The following SORCS2 variants were observed in gnomAD, a reference collection of about 807,000 sequenced individuals.
SORCS2 encodes the protein sortilin related VPS10 domain containing receptor 2, also known as VPS10 domain-containing receptor SorCS2.
In SORCS2, 100 loss-of-function variants were observed where a neutral mutation model predicts 141.6. The observed-to-expected ratio is 0.71, with a 90% confidence interval of 0.60 to 0.83. The LOEUF (loss-of-function observed/expected upper bound fraction) is 0.83, where lower values mean the gene tolerates loss of function less well. Ranked by LOEUF, SORCS2 falls within the 40% of genes least tolerant of loss-of-function variation. The pLI is 0.00. For missense variants in SORCS2, 1,646 were observed against 1,560.2 expected (o/e 1.05, Z -0.93); for synonymous variants, 789 against 676.9 (o/e 1.17, Z -2.57).
chr4:7,576,566 T>C (rs1011499884), intron 3 of SORCS2, among the ~76,000 whole-genome samples: 5 of 152,090 alleles, frequency 3.3e-5, no homozygotes, highest in African/African-American at 1.2e-4. Flanking sequence ...GAGGAATGAA[T>C]AGGAGTTGGC....
intron 1 of SORCS2, among the ~76,000 whole-genome samples, chr4:7,334,097 G>A (rs1297363666): frequency 5.9e-5 from 9 of 152,084 alleles, no homozygotes; most frequent in African/African-American, 1.9e-4. Flanking sequence ...TTAGTCCCCC[G>A]GCCCCTCACC....
intron 1 of SORCS2, among the ~76,000 whole-genome samples, chr4:7,318,871 C>T (rs548544604): frequency 7.2e-5 from 11 of 152,292 alleles, no homozygotes; most frequent in East Asian, 3.9e-4. Context: ...GAATCCCTTG[C>T]GTGCCTTAGT....
chr4:7,413,259 G>T (rs1725442655), intron 2 of SORCS2, among the ~76,000 whole-genome samples: 1 of 151,930 alleles, frequency 6.6e-6, no homozygotes, highest in African/African-American at 2.4e-5. Flanking sequence ...CATGAGATTC[G>T]AACTATTCAT....
At chr4:7,456,573 G>A (rs1360356585) in intron 2 of SORCS2, among the ~76,000 whole-genome samples, 1 of 152,160 alleles carries the variant, frequency 6.6e-6, no homozygotes, top group Non-Finnish European at 1.5e-5. Context: ...TTGGAGCTTG[G>A]GGGATGCTTG....
At chr4:7,628,443 C>G (rs927920122) in intron 3 of SORCS2, among the ~76,000 whole-genome samples, 8 of 149,486 alleles carry the variant, frequency 5.4e-5, no homozygotes, top group African/African-American at 2.0e-4. Flanking sequence ...GGCATGAACC[C>G]GGGAGATGGA....
At chr4:7,655,981 C>G (rs924629402) in intron 5 of SORCS2, among the ~76,000 whole-genome samples, 1 of 152,222 alleles carries the variant, frequency 6.6e-6, no homozygotes, top group African/African-American at 2.4e-5. Flanking sequence ...TGCTGTTACT[C>G]GAGGGAATCA....
At chr4:7,658,494 A>T (rs1033026221) in intron 5 of SORCS2, among the ~76,000 whole-genome samples, 1 of 152,214 alleles carries the variant, frequency 6.6e-6, no homozygotes, top group African/African-American at 2.4e-5. Context: ...GTCAGGCCTG[A>T]GACCTCCTTT....
At chr4:7,432,619 T>G (rs1453818648) in intron 2 of SORCS2, 2 of 151,978 alleles carry the variant, frequency 1.3e-5, no homozygotes, top group African/African-American at 4.8e-5. Context: ...TTCCTTCTGC[T>G]CATTACCAGG....
chr4:7,428,936 G>C (rs1726640288), intron 2 of SORCS2, among the ~76,000 whole-genome samples: 1 of 152,144 alleles, frequency 6.6e-6, no homozygotes, highest in African/African-American at 2.4e-5. Context: ...GTCTGAGTGA[G>C]CCGAGTGGCT....
At position 7,533,266 on chromosome 4, in the gene SORCS2, A is replaced by G. The variant is rs554967073; in HGVS notation, c.648+1637A>G. Among the ~76,000 whole-genome samples the G allele has an allele frequency of 2.6e-5, 4 of 152,188 alleles. No homozygotes were observed. In the East Asian group the frequency reaches 7.7e-4, roughly 29 times the overall value. On this transcript the variant is annotated intron_variant, in intron 3 of 26. Coordinates refer to ENST00000507866, the MANE Select transcript of SORCS2 (RefSeq NM_020777.3). ...AGGCCTGTACCTGCTGGAAAACCCAAACCCTATGGAAGCAGGGGCAGACAC... is the reference window on the plus strand; with the variant it reads ...AGGCCTGTACCTGCTGGAAAACCCAGACCCTATGGAAGCAGGGGCAGACAC...
chr4:7,717,192 G>T lies in SORCS2; in HGVS notation c.2253-820G>T, dbSNP rs139400894. 1.1e-3 allele frequency among the ~76,000 whole-genome samples: 165 copies of T among 152,286 alleles called. 1 individual carries two copies. The South Asian group carries it at 0.018, about 17-fold the overall frequency. ...TCGTGCCACACCCGCTCCTCCTCCA[G>T]GCTCAGACCCACCCTAGGGCCTTTG... On this transcript the variant is annotated intron_variant, in intron 17 of 26. Coordinates refer to ENST00000507866, the MANE Select transcript of SORCS2 (RefSeq NM_020777.3).
At chr4:7,275,835 C>G (rs1026453591) in intron 1 of SORCS2, among the ~76,000 whole-genome samples, 1 of 152,148 alleles carries the variant, frequency 6.6e-6, no homozygotes, top group Non-Finnish European at 1.5e-5. Flanking sequence ...GGGTCTGACT[C>G]TCTCCTGTCT....
At chr4:7,693,214 T>C (rs1348721572) in intron 11 of SORCS2, among the ~76,000 whole-genome samples, 1 of 93,672 alleles carries the variant, frequency 1.1e-5, no homozygotes, top group Non-Finnish European at 2.3e-5. Flanking sequence ...CTTCCTCATC[T>C]TCATCCTTTC....
At chr4:7,403,017 G>C (rs550211864) in intron 2 of SORCS2, among the ~76,000 whole-genome samples, 2 of 151,930 alleles carry the variant, frequency 1.3e-5, no homozygotes, top group Non-Finnish European at 2.9e-5. Flanking sequence ...CTCCTGCCAG[G>C]TACCATTCAT....
intron 2 of SORCS2, among the ~76,000 whole-genome samples, chr4:7,456,475 TGA>T (rs975601487): frequency 4.7e-5 from 7 of 149,644 alleles, no homozygotes; most frequent in East Asian, 1.9e-4. Context: ...GCCTGAAGGG[TGA>T]GAGGGGGGGG....
intron 1 of SORCS2, among the ~76,000 whole-genome samples, chr4:7,253,495 G>T (rs554876569): frequency 6.6e-6 from 1 of 152,224 alleles, no homozygotes; most frequent in Non-Finnish European, 1.5e-5. Flanking sequence ...CCCTGCAGGG[G>T]TGCACGAGGA....
intron 17 of SORCS2, among the ~76,000 whole-genome samples, chr4:7,716,595 A>G (rs1726207271): frequency 6.8e-6 from 1 of 147,636 alleles, no homozygotes; most frequent in Non-Finnish European, 1.5e-5. Context: ...TCTACCCATC[A>G]ATTCATCCAC....
intron 1 of SORCS2, among the ~76,000 whole-genome samples, chr4:7,299,015 C>G (rs899705230): frequency 6.6e-6 from 1 of 152,268 alleles, no homozygotes; most frequent in Non-Finnish European, 1.5e-5. Context: ...CGGGAGGCCT[C>G]ACAAAAGGGC....
chr4:7,724,121 G>GTGGTGGTGGTGGTGGTGGTGGTGA (rs1560112840), intron 19 of SORCS2, among the ~76,000 whole-genome samples: 6 of 131,188 alleles, frequency 4.6e-5, no homozygotes, highest in Non-Finnish European at 9.3e-5. Flanking sequence ...GGTGATGGTG[G>GTGGTGGTGGTGGTGGTGGTGGTGA]TGGTGGTGGT....
Sources: allele counts gnomAD v4.1 joint callset (sites outside exome capture counted in the v4.1 genomes callset), GRCh38; gene constraint gnomAD v4.1.1; transcripts MANE v1.5; gene names NCBI Gene and HGNC (gene_info 2026-07-23, HGNC 2026-07-21).